CRLF3: variants seen among roughly 807,000 people sequenced by gnomAD.
CRLF3 encodes the protein cytokine receptor-like factor 3.
CRLF3 carries 33 observed loss-of-function variants against 55.0 expected under a neutral mutation model. The observed-to-expected ratio is 0.60, with a 90% CI of 0.46 to 0.80. The LOEUF is 0.80. Ranked by LOEUF, CRLF3 falls within the 30% of genes least tolerant of loss-of-function variation. The pLI is 0.00. For missense variants in CRLF3, 494 were observed against 538.4 expected (o/e 0.92, Z 0.82); for synonymous variants, 238 against 196.8 (o/e 1.21, Z -1.75).
chr17:30,793,707 G>A, intron 4 of CRLF3, 35 bp from the exon 5 acceptor site: 1 of 1,470,534 alleles, frequency 6.8e-7, no homozygotes, highest in Non-Finnish European at 9.4e-7. Flanking sequence ...GTAAAAAACA[G>A]AAAATGACTT....
chr17:30,820,291 T>C (rs367750691), intron 1 of CRLF3, among the ~76,000 whole-genome samples: 1 of 152,214 alleles, frequency 6.6e-6, no homozygotes, highest in African/African-American at 2.4e-5. Context: ...CAGAATAACT[T>C]AAAAACATTT....
chr17:30,820,698 A>G (rs1171710721), intron 1 of CRLF3, among the ~76,000 whole-genome samples: 1 of 152,024 alleles, frequency 6.6e-6, no homozygotes, highest in Non-Finnish European at 1.5e-5. Flanking sequence ...AGGCTGAGGC[A>G]GGAGAATCTC....
At chr17:30,785,840 G>T in intron 7 of CRLF3, 79 bp downstream of exon 7, 8 of 696,510 alleles carry the variant, frequency 1.1e-5, no homozygotes, top group Non-Finnish European at 1.4e-5. Context: ...TACTATAAAT[G>T]TATGGAACTG....
chr17:30,804,079 A>T lies in CRLF3; in HGVS notation c.159T>A (p.Asp53Glu), dbSNP rs773415390. ...QIKESASQTR[D>E]VLKQHFNDLK... Reference sequence around the variant, plus strand: ...AATCATTAAAATGCTGTTTGAGAACATCCCTTGTCTGTGATGCACTTTCTT... The same window carrying T: ...AATCATTAAAATGCTGTTTGAGAACTTCCCTTGTCTGTGATGCACTTTCTT... The change falls in exon 2 of 8, where the codon GAT becomes GAA. Residue 53 changes from aspartate to glutamate, a missense_variant. Physicochemically the swap from Asp to Glu is conservative, Grantham distance 45. Transcript: ENST00000324238. 2 of 1,613,546 alleles carry T rather than the reference A, an allele frequency of 1.2e-6. No individual in the cohort carries two copies. The highest frequency in any genetic ancestry group is 1.3e-5 in the African/African-American group (1 of 74,924).
chr17:30,793,152 ATAAC>A (rs1201022006), intron 5 of CRLF3, among the ~76,000 whole-genome samples: 1 of 151,872 alleles, frequency 6.6e-6, no homozygotes, highest in Non-Finnish European at 1.5e-5. Flanking sequence ...AACTAACTAA[ATAAC>A]ATTCAAATAT....
chr17:30,824,575 T>C lies in CRLF3; in HGVS notation c.77A>G (p.Tyr26Cys), dbSNP rs1905086871. 6.2e-7 allele frequency: 1 copy of C among 1,604,208 alleles called. No homozygotes were observed. Among genetic ancestry groups the C allele is most frequent in the Non-Finnish European group, 8.5e-7 (1 of 1,178,774 alleles). Residue 26 changes from tyrosine (Y) to cysteine (C), a missense_variant, in exon 1 of 8, where the codon TAC becomes TGC. Coordinates refer to ENST00000324238, the MANE Select transcript of CRLF3 (RefSeq NM_015986.4). ...AAGCCGGTGACCCAGCTCCCGCCGG[T>C]AGCTCTGCGCTGCCTCCACGTTCTC... Reference protein sequence around the residue: ...ARENVEAAQSYRRELGHRLEG... With the variant: ...ARENVEAAQSCRRELGHRLEG...
chr17:30,799,282 TAA>T (rs1387544414), intron 2 of CRLF3, among the ~76,000 whole-genome samples: 7 of 152,116 alleles, frequency 4.6e-5, no homozygotes, highest in Admixed American at 2.6e-4. Flanking sequence ...CAAAAATAAA[TAA>T]GTTAATTAAT....
intron 2 of CRLF3, among the ~76,000 whole-genome samples, chr17:30,799,882 G>A (rs1056115375): frequency 1.3e-5 from 2 of 152,132 alleles, no homozygotes; most frequent in African/African-American, 4.8e-5. Flanking sequence ...GTGGTGCACT[G>A]CTTCTGGGTT....
chr17:30,810,847 G>A (rs1014649445), intron 1 of CRLF3, among the ~76,000 whole-genome samples: 9 of 151,832 alleles, frequency 5.9e-5, no homozygotes, highest in African/African-American at 1.9e-4. Flanking sequence ...CTATAATCCC[G>A]GCACTTTTGA....
At chr17:30,822,900 T>C (rs1390219018) in intron 1 of CRLF3, among the ~76,000 whole-genome samples, 2 of 152,120 alleles carry the variant, frequency 1.3e-5, no homozygotes, top group African/African-American at 2.4e-5. Context: ...TATTTCAAAA[T>C]AGCAGAAGGA....
intron 2 of CRLF3, among the ~76,000 whole-genome samples, chr17:30,799,501 G>A (rs1971972121): frequency 6.6e-6 from 1 of 151,834 alleles, no homozygotes; most frequent in African/African-American, 2.4e-5. Context: ...TAGGACTACA[G>A]GAATGTGCCA....
chr17:30,794,948 A>G (rs560489044), intron 4 of CRLF3, among the ~76,000 whole-genome samples: 1 of 152,326 alleles, frequency 6.6e-6, no homozygotes, highest in African/African-American at 2.4e-5. Flanking sequence ...AAAGTTTGTT[A>G]TTACCTATCA....
At position 30,784,088 on chromosome 17, in the gene CRLF3, T is replaced by A; in HGVS notation, c.*99A>T. 1 of 1,073,074 alleles carries A rather than the reference T, an allele frequency of 9.3e-7. No homozygotes were observed. Among genetic ancestry groups the A allele is most frequent in the Non-Finnish European group, 1.4e-6 (1 of 740,190 alleles). The allele number at this position is 1,073,074 out of a possible 1,614,324, so 66.5% of individuals were successfully genotyped here. A position where few individuals can be genotyped will look rare whatever the true frequency, so the allele number is the denominator to read the frequency against. ...GTAAACACTTTCCAATGGCCTAAGTTAGAGATGAATTCAACTTTTTTTTTA... is the reference window on the plus strand; with the variant it reads ...GTAAACACTTTCCAATGGCCTAAGTAAGAGATGAATTCAACTTTTTTTTTA... On this transcript the variant is annotated 3_prime_UTR_variant, in exon 8 of 8. Coordinates refer to ENST00000324238, the MANE Select transcript of CRLF3 (RefSeq NM_015986.4).
chr17:30,797,304 C>A lies in CRLF3; in HGVS notation c.425+7G>T, dbSNP rs1567662736. 6.2e-7 allele frequency: 1 copy of A among 1,605,710 alleles called. No homozygotes were observed. Among genetic ancestry groups the A allele is most frequent in the African/African-American group, 1.3e-5 (1 of 74,772 alleles). ...AAAGTAAGTCAAAAAGGCACAAACT[C>A]TTTTACCTGTCCAACTGAATGTGCG... is the stretch of plus-strand genomic sequence containing the variant. On this transcript the variant is annotated splice_region_variant and intron_variant, in intron 3 of 7. Transcript: ENST00000324238.
Position 30,783,087 on chromosome 17 carries a change from T to C in CRLF3, c.*1100A>G, listed in dbSNP as rs1165639562. The stretch of plus-strand genomic sequence containing the variant: ...GCTAAAAAGAGACCACTTATTAAAC[T>C]GACATTAAACTGGACTGCAGCTCAT... On this transcript the variant is annotated 3_prime_UTR_variant, in exon 8 of 8. Coordinates refer to ENST00000324238, the MANE Select transcript of CRLF3 (RefSeq NM_015986.4). 6.6e-6 allele frequency: 1 copy of C among 152,184 alleles called. No homozygotes were observed. The highest frequency in any genetic ancestry group is 1.5e-5 in the Non-Finnish European group (1 of 68,028). 9.4% of individuals were successfully genotyped at this position (152,184 alleles called of 1,614,324 possible). A position where few individuals can be genotyped will look rare whatever the true frequency, so the allele number is the denominator to read the frequency against.
chr17:30,788,437 C>T (rs957743478), intron 6 of CRLF3, among the ~76,000 whole-genome samples: 1 of 151,510 alleles, frequency 6.6e-6, no homozygotes, highest in Non-Finnish European at 1.5e-5. Context: ...TGAGGGAGAC[C>T]TGGAAGGAGG....
chr17:30,791,551 T>C (rs1567659851), intron 6 of CRLF3, among the ~76,000 whole-genome samples: 1 of 148,032 alleles, frequency 6.8e-6, no homozygotes, highest in African/African-American at 2.5e-5. Flanking sequence ...GGAGTCTTGC[T>C]GTGTCGCCCA....
At chr17:30,811,316 T>A (rs1904611387) in intron 1 of CRLF3, among the ~76,000 whole-genome samples, 1 of 150,774 alleles carries the variant, frequency 6.6e-6, no homozygotes, top group African/African-American at 2.4e-5. Flanking sequence ...TTAGCTGGGT[T>A]TGGTGGTGCC....
chr17:30,823,169 C>T lies in CRLF3; in HGVS notation c.129+1354G>A, dbSNP rs1905045391. 4.6e-5 allele frequency among the ~76,000 whole-genome samples: 7 copies of T among 152,054 alleles called. 1 individual carries two copies. The South Asian group carries it at 1.2e-3, about 27-fold the overall frequency. ...ACGAGGTCAGGAGTTCAAGATCATC[C>T]TGGCCAACCTGGTGAAACCTCCTCT... is the stretch of plus-strand genomic sequence containing the variant. On this transcript the variant is annotated intron_variant, in intron 1 of 7. Transcript: ENST00000324238.
Sources: gnomAD v4.1 joint callset for allele counts (sites outside exome capture counted in the v4.1 genomes callset) on GRCh38, gnomAD v4.1.1 for gene constraint, MANE v1.5 for transcripts, NCBI Gene and HGNC (gene_info 2026-07-23, HGNC 2026-07-21) for gene names.